CATSPERZ: variants seen among roughly 807,000 people sequenced by gnomAD.
CATSPERZ encodes the protein cation channel sperm-associated auxiliary subunit zeta.
CATSPERZ carries 21 observed loss-of-function variants against 21.7 expected under a neutral mutation model. That is an observed-to-expected ratio of 0.97 (90% CI 0.69 to 1.39). The LOEUF is 1.39. Among genes scored for constraint, CATSPERZ ranks in the 40% most tolerant of loss-of-function variants. The pLI is 0.00. For missense variants in CATSPERZ, 234 were observed against 259.5 expected, an observed-to-expected ratio of 0.90 and a Z score of 0.68; for synonymous variants, 127 against 108.7, an observed-to-expected ratio of 1.17 and a Z score of -1.05.
At chr11:64,304,479 G>A (rs2034983066) in intron 4 of CATSPERZ, 64 bp from the exon 5 acceptor site, 1 of 1,277,536 alleles carries the variant, frequency 7.8e-7, no homozygotes, top group Non-Finnish European at 1.1e-6. Flanking sequence ...CACATGCGGC[G>A]CCCCCTGGTG....
In CATSPERZ at chr11:64,300,802, G is replaced by C. The variant is rs749905476; in HGVS notation, c.167G>C (p.Gly56Ala). ...GTCTGCGAGGGCTTCGACGAGGAGG[G>C]CCGCAACATTAGCAAGACCCGCGGG... ...SEVCEGFDEE[G>A]RNISKTRGWH... The change falls in exon 2 of 5, where the codon GGC (glycine) becomes GCC (alanine). Residue 56 changes from glycine (G) to alanine (A), a missense_variant. Coordinates refer to ENST00000328404, the MANE Select transcript of CATSPERZ (RefSeq NM_001039496.2). 2.6e-6 allele frequency: 4 copies of C among 1,558,208 alleles called. No individual in the cohort carries two copies. The Admixed American group carries it at 7.7e-5, about 30-fold the overall frequency.
chr11:64,301,328 G>A (rs1368586739), intron 2 of CATSPERZ, among the ~76,000 whole-genome samples: 4 of 151,690 alleles, frequency 2.6e-5, no homozygotes, highest in Admixed American at 1.3e-4. Flanking sequence ...ATCTCACTCT[G>A]TCGCCCAGGC....
At chr11:64,303,632 T>C in intron 3 of CATSPERZ, 71 bp downstream of exon 3, 2 of 1,482,426 alleles carry the variant, frequency 1.3e-6, no homozygotes, top group Non-Finnish European at 9.1e-7. Flanking sequence ...TGATAGGATA[T>C]GAAAGTTGGG....
At chr11:64,301,370 A>C (rs1425822950) in intron 2 of CATSPERZ, among the ~76,000 whole-genome samples, 2 of 147,134 alleles carry the variant, frequency 1.4e-5, no homozygotes, top group African/African-American at 5.0e-5. Context: ...ATTATAGCTC[A>C]CTGCAGTTCA....
chr11:64,303,057 G>A (rs1243523715), intron 2 of CATSPERZ, among the ~76,000 whole-genome samples: 2 of 151,144 alleles, frequency 1.3e-5, no homozygotes, highest in Non-Finnish European at 2.9e-5. Context: ...TTGCCAGCAA[G>A]CCCGGCTAAT....
Position 64,304,645 on chromosome 11 carries a change from A to G in CATSPERZ, c.602A>G (p.Ter201=). The part of the protein sequence containing the change: ...KRRSKRLYVN[*] ...CGGAGCAAGAGGCTGTACGTGAATT[A>G]AAAACGCCACCTTGGGCTCGAGCAG... is the stretch of plus-strand genomic sequence containing the variant. Residue 201 remains the stop codon, a stop_retained_variant, in exon 5 of 5, where the codon TAA becomes TGA. Transcript: ENST00000328404. The G allele has an allele frequency of 6.4e-7, 1 of 1,565,202 alleles. No individual in the cohort carries two copies. Among genetic ancestry groups the G allele is most frequent in the Non-Finnish European group, 8.7e-7 (1 of 1,155,668 alleles).
rs908693986 is a variant in CATSPERZ at position 64,303,755 on chromosome 11, C to G, written c.433-18C>G. The G allele has an allele frequency of 5.0e-6, 8 of 1,588,294 alleles. No individual in the cohort carries two copies. The East Asian group carries it at 1.6e-4, about 32-fold the overall frequency. ...AGATGAAGTACCTGGACGCCTAAGC[C>G]TCTTGCTGCTTCTCCAGCTGCCACT... is the stretch of plus-strand genomic sequence containing the variant. On this transcript the variant is annotated intron_variant, in intron 3 of 4. Coordinates refer to ENST00000328404, the MANE Select transcript of CATSPERZ (RefSeq NM_001039496.2).
intron 3 of CATSPERZ, 73 bp downstream of exon 3, chr11:64,303,634 A>G: frequency 6.6e-7 from 1 of 1,516,856 alleles, no homozygotes; most frequent in East Asian, 2.4e-5. Context: ...ATAGGATATG[A>G]AAGTTGGGGG....
chr11:64,303,910 G>C (rs953886839), intron 4 of CATSPERZ, 71 bp downstream of exon 4: 41 of 1,502,712 alleles, frequency 2.7e-5, no homozygotes, highest in Non-Finnish European at 3.7e-5. Context: ...TGGGGCCCAG[G>C]GGGGTGGGGT....
chr11:64,304,609 TC>T lies in CATSPERZ; in HGVS notation c.567del (p.Lys190ArgfsTer10). 1 of 1,583,582 alleles carries T rather than the reference TC, an allele frequency of 6.3e-7. No individual in the cohort carries two copies. Among genetic ancestry groups the T allele is most frequent in the Admixed American group, 1.8e-5 (1 of 54,958 alleles). On this transcript the variant is annotated frameshift_variant, in exon 5 of 5. Transcript: ENST00000328404. LOFTEE classifies it low-confidence loss of function (END_TRUNC). ...GAGCTGCAGCGATACATCGAAGGGCTCAAGAAGCGCCGGAGCAAGAGGCTGT... is the reference window on the plus strand; with the variant it reads ...GAGCTGCAGCGATACATCGAAGGGCTAAGAAGCGCCGGAGCAAGAGGCTGT... ...TKELQRYIEG[L>X]KKRRSKRLYV...
At position 64,300,428 on chromosome 11, in the gene CATSPERZ, G is replaced by A. The variant is rs376331366; in HGVS notation, c.18G>A (p.Ser6=). The change falls in exon 1 of 5, where the codon TCG becomes TCA. Residue 6 remains serine (S), a synonymous_variant. Transcript: ENST00000328404. MEEKP[S]KVSLKSSDRQ... is the part of the protein sequence containing the mutation. ...GCAGAACCATGGAGGAAAAGCCTTC[G>A]AAAGTAAGACGTCTCCCTAGGCCCC... 1.7e-3 allele frequency: 2,483 copies of A among 1,487,086 alleles called. 5 individuals are homozygous for A. Among genetic ancestry groups the A allele is most frequent in the Non-Finnish European group, 2.1e-3 (2,348 of 1,100,186 alleles). 92.1% of individuals were successfully genotyped at this position (1,487,086 alleles called of 1,614,324 possible).
At chr11:64,300,510 T>C in intron 1 of CATSPERZ, 79 bp downstream of exon 1, 5 of 1,559,940 alleles carry the variant, frequency 3.2e-6, no homozygotes, top group Non-Finnish European at 4.3e-6. Context: ...GCGCTATTTC[T>C]TACTCAGCCT....
chr11:64,301,021 C>T (rs955142961), intron 2 of CATSPERZ, 34 bp downstream of exon 2: 34 of 1,482,186 alleles, frequency 2.3e-5, no homozygotes, highest in Non-Finnish European at 3.0e-5. Flanking sequence ...TGGGCACCCG[C>T]AGGGCAATAA....
intron 3 of CATSPERZ, 67 bp from the exon 4 acceptor site, chr11:64,303,706 T>TGG: frequency 6.7e-7 from 1 of 1,499,378 alleles, no homozygotes; most frequent in Non-Finnish European, 9.0e-7. Flanking sequence ...AGGGAGGAGG[T>TGG]GGGGGCATTT....
chr11:64,302,888 T>TTC (rs2034949755), intron 2 of CATSPERZ, among the ~76,000 whole-genome samples: 1 of 6,692 alleles, frequency 1.5e-4, no homozygotes, highest in Admixed American at 8.9e-4. Flanking sequence ...GAGCTGTTCT[T>TTC]TTTTTTTTTT....
Position 64,300,863 on chromosome 11 carries a change from G to T in CATSPERZ, c.228G>T (p.Gly76=). The change falls in exon 2 of 5, where the codon GGG becomes GGT. Residue 76 remains glycine (G), a synonymous_variant. Coordinates refer to ENST00000328404, the MANE Select transcript of CATSPERZ (RefSeq NM_001039496.2). ...CGGGGCGGGGCTCGTTGGACGAGGG[G>T]TACAAGGCCAGCCACAAGCCGGAGG... ...HSPGRGSLDE[G]YKASHKPEEL... The T allele has an allele frequency of 1.9e-6, 3 of 1,561,196 alleles. No homozygotes were observed. The highest frequency in any genetic ancestry group is 1.7e-4 in the Middle Eastern group (1 of 6,014).
In CATSPERZ at chr11:64,300,999, C is replaced by T; in HGVS notation, c.352+12C>T. ...CCAGATCGAGGCCGGTCAGTGTGGC[C>T]TCGCCAGGCCGTGGGCACCCGCAGG... is the stretch of plus-strand genomic sequence containing the variant. On this transcript the variant is annotated intron_variant, in intron 2 of 4. Transcript: ENST00000328404. 6.6e-7 allele frequency: 1 copy of T among 1,510,356 alleles called. No homozygotes were observed. 93.6% of individuals were successfully genotyped at this position (1,510,356 alleles called of 1,614,324 possible).
In CATSPERZ at chr11:64,304,752, T is replaced by C. The variant is rs1565373108; in HGVS notation, c.*106T>C. 1 of 940,988 alleles carries C rather than the reference T, an allele frequency of 1.1e-6. No individual in the cohort carries two copies. The highest frequency in any genetic ancestry group is 1.7e-5 in the African/African-American group (1 of 60,186). 58.3% of individuals were successfully genotyped at this position (940,988 alleles called of 1,614,324 possible). The stretch of plus-strand genomic sequence containing the variant: ...GAGTGGAATTTGAGTCCTAAAGAAA[T>C]AAAAGAGTCGATGCATGGTCCGTGA... On this transcript the variant is annotated 3_prime_UTR_variant, in exon 5 of 5. Coordinates refer to ENST00000328404, the MANE Select transcript of CATSPERZ (RefSeq NM_001039496.2).
In CATSPERZ at chr11:64,300,704, G is replaced by A; in HGVS notation, c.69G>A (p.Val23=). 6.5e-7 allele frequency: 1 copy of A among 1,548,804 alleles called. No individual in the cohort carries two copies. Among genetic ancestry groups the A allele is most frequent in the East Asian group, 2.4e-5 (1 of 40,932 alleles). The change falls in exon 2 of 5, where the codon GTG becomes GTA. Residue 23 remains valine (V), a synonymous_variant. Coordinates refer to ENST00000328404, the MANE Select transcript of CATSPERZ (RefSeq NM_001039496.2). ...SDRQGSDEES[V]HSDTRDLWTT... ...GCCAAGGCTCGGACGAGGAGAGCGT[G>A]CATAGCGACACTCGGGACCTGTGGA...
Sources: gnomAD v4.1 joint callset for allele counts (sites outside exome capture counted in the v4.1 genomes callset) on GRCh38, gnomAD v4.1.1 for gene constraint, MANE v1.5 for transcripts, NCBI Gene and HGNC (gene_info 2026-07-23, HGNC 2026-07-21) for gene names.